ANKFN1: variants seen among roughly 807,000 people sequenced by gnomAD.
ANKFN1 encodes the protein ankyrin repeat and fibronectin type-III domain-containing protein 1.
A neutral mutation model predicts 108.7 loss-of-function variants in ANKFN1; 74 were observed. The ratio of observed to expected loss-of-function variants is 0.68; its 90% CI spans 0.56 to 0.83. The LOEUF (loss-of-function observed/expected upper bound fraction) is 0.83. Among genes scored for constraint, ANKFN1 ranks in the 40% least tolerant of loss-of-function variants. ANKFN1 has a pLI of 0.00. For missense variants in ANKFN1, 1,505 were observed against 1,382.3 expected (o/e 1.09, Z -1.41); for synonymous variants, 547 against 516.2 (o/e 1.06, Z -0.81).
At chr17:56,106,505 C>T (rs544893691) in intron 4 of ANKFN1, among the ~76,000 whole-genome samples, 1 of 152,176 alleles carries the variant, frequency 6.6e-6, no homozygotes, top group African/African-American at 2.4e-5. Context: ...CTAGGCTTTG[C>T]GGATTGATTT....
Position 56,326,372 on chromosome 17 carries a change from G to T in ANKFN1, c.188+17G>T. On this transcript the variant is annotated intron_variant, in intron 4 of 20. Transcript: ENST00000682825. ...CATAAACTGGTAAGTCAAATTTACT[G>T]TTGTCTTTCTTCATGTGAATATGGA... is the stretch of plus-strand genomic sequence containing the variant. The T allele has an allele frequency of 6.2e-7, 1 of 1,602,844 alleles. No homozygotes were observed. The highest frequency in any genetic ancestry group is 1.1e-5 in the South Asian group (1 of 88,638).
intron 4 of ANKFN1, among the ~76,000 whole-genome samples, chr17:56,123,200 A>G (rs1906724287): frequency 6.6e-6 from 1 of 152,242 alleles, no homozygotes; most frequent in African/African-American, 2.4e-5. Context: ...AGCTAGTGCT[A>G]AATCTACCAG....
intron 1 of ANKFN1, among the ~76,000 whole-genome samples, chr17:56,176,034 A>AT (rs1169746915): frequency 6.6e-6 from 1 of 151,440 alleles, no homozygotes; most frequent in Non-Finnish European, 1.5e-5. Context: ...TATTTATTTG[A>AT]TTTTTGCAGA....
intron 1 of ANKFN1, chr17:56,206,536 G>A (rs1914551285): frequency 6.6e-6 from 1 of 152,170 alleles, no homozygotes; most frequent in African/African-American, 2.4e-5. Context: ...AAAGTACCGG[G>A]CCCACACTGT....
intron 12 of ANKFN1, 52 bp from the exon 13 acceptor site, chr17:56,457,204 TA>T: frequency 6.0e-6 from 9 of 1,489,138 alleles, no homozygotes; most frequent in African/African-American, 1.4e-5. Flanking sequence ...TCCAAAAAAA[TA>T]TTTTTCCAAG....
chr17:56,084,373 A>G (rs1222543900), intron 4 of ANKFN1, among the ~76,000 whole-genome samples: 2 of 151,320 alleles, frequency 1.3e-5, no homozygotes, highest in Non-Finnish European at 3.0e-5. Context: ...TGGCATTTAG[A>G]TAAAAACCAT....
chr17:56,352,637 A>AT (rs1285664165), intron 5 of ANKFN1, among the ~76,000 whole-genome samples: 1 of 152,064 alleles, frequency 6.6e-6, no homozygotes, highest in Non-Finnish European at 1.5e-5. Context: ...TTCTTAAGCT[A>AT]TTTTTTTCTA....
At chr17:56,064,184 C>A (rs1417033549) in intron 4 of ANKFN1, among the ~76,000 whole-genome samples, 1 of 143,054 alleles carries the variant, frequency 7.0e-6, no homozygotes, top group Non-Finnish European at 1.6e-5. Flanking sequence ...TGTCTGACAA[C>A]CCCTGTTGGA....
chr17:56,313,404 T>C (rs1000723089), intron 3 of ANKFN1, among the ~76,000 whole-genome samples: 3 of 152,116 alleles, frequency 2.0e-5, no homozygotes, highest in African/African-American at 7.2e-5. Flanking sequence ...GTAAAGGAAG[T>C]GCTGAAACCC....
At chr17:56,352,343 T>A (rs898643380) in intron 5 of ANKFN1, among the ~76,000 whole-genome samples, 1 of 152,204 alleles carries the variant, frequency 6.6e-6, no homozygotes, top group Non-Finnish European at 1.5e-5. Flanking sequence ...TAGGGAGAAT[T>A]GATTTTTAAT....
intron 3 of ANKFN1, among the ~76,000 whole-genome samples, chr17:56,236,771 G>A (rs1917186624): frequency 6.6e-6 from 1 of 152,016 alleles, no homozygotes; most frequent in Non-Finnish European, 1.5e-5. Flanking sequence ...TTACTATAAT[G>A]GCAAAAACTG....
intron 4 of ANKFN1, among the ~76,000 whole-genome samples, chr17:56,145,048 T>A (rs931821326): frequency 6.6e-6 from 1 of 152,204 alleles, no homozygotes; most frequent in Non-Finnish European, 1.5e-5. Flanking sequence ...GCTCAGGCCC[T>A]CATACCAGGA....
chr17:56,492,009 A>G (rs938536502), intron 18 of ANKFN1, among the ~76,000 whole-genome samples, 178 bp from the exon 19 acceptor site: 15 of 152,176 alleles, frequency 9.9e-5, no homozygotes, highest in Non-Finnish European at 1.9e-4. Flanking sequence ...ATACTGTCTG[A>G]CTAAAGCCAG....
intron 3 of ANKFN1, among the ~76,000 whole-genome samples, chr17:56,238,558 CT>C (rs909482248): frequency 4.6e-5 from 7 of 152,004 alleles, no homozygotes; most frequent in African/African-American, 1.7e-4. Context: ...CCTTTGTGAT[CT>C]TTGTTGGTTT....
intron 1 of ANKFN1, among the ~76,000 whole-genome samples, chr17:56,156,380 G>A (rs1347165118): frequency 6.6e-6 from 1 of 152,098 alleles, no homozygotes; most frequent in Non-Finnish European, 1.5e-5. Context: ...GAGCCACCAC[G>A]CCCAGCCTGT....
At chr17:56,182,009 G>A (rs998454393) in intron 1 of ANKFN1, among the ~76,000 whole-genome samples, 3 of 152,046 alleles carry the variant, frequency 2.0e-5, no homozygotes, top group African/African-American at 7.2e-5. Flanking sequence ...TTGTTTTGGG[G>A]CATCACAAAG....
chr17:56,298,185 T>C (rs999356294), intron 3 of ANKFN1, among the ~76,000 whole-genome samples: 4 of 152,184 alleles, frequency 2.6e-5, no homozygotes, highest in Non-Finnish European at 5.9e-5. Flanking sequence ...AAGCAATTGA[T>C]ATAGAGCCCA....
At chr17:56,286,204 A>G (rs779464601) in intron 3 of ANKFN1, among the ~76,000 whole-genome samples, 9 of 152,180 alleles carry the variant, frequency 5.9e-5, no homozygotes, top group Non-Finnish European at 1.3e-4. Flanking sequence ...CTCCCCTGGC[A>G]GGATGAATCT....
intron 1 of ANKFN1, among the ~76,000 whole-genome samples, chr17:56,212,206 A>G (rs535693564): frequency 1.4e-3 from 211 of 152,186 alleles, no homozygotes; most frequent in Non-Finnish European, 2.7e-3. Flanking sequence ...ACCTTAAGGT[A>G]TGTCCCTTCT....
Sources: gnomAD v4.1 joint callset for allele counts (sites outside exome capture counted in the v4.1 genomes callset) on GRCh38, gnomAD v4.1.1 for gene constraint, MANE v1.5 for transcripts, NCBI Gene and HGNC (gene_info 2026-07-23, HGNC 2026-07-21) for gene names.